The following SLC10A7 variants were observed in gnomAD, a reference collection of about 807,000 sequenced individuals.
The protein encoded by SLC10A7 is solute carrier family 10 member 7.
Under a neutral mutation model 43.2 loss-of-function variants are expected in SLC10A7, and 29 were observed. The ratio of observed to expected loss-of-function variants is 0.67; its 90% CI spans 0.50 to 0.92. The LOEUF (loss-of-function observed/expected upper bound fraction) is 0.92, where lower values mean the gene tolerates loss of function less well. Among genes scored for constraint, SLC10A7 ranks in the 40% least tolerant of loss-of-function variants. The pLI is 0.00. For missense variants in SLC10A7, 295 were observed against 403.2 expected (o/e 0.73, Z 2.30); for synonymous variants, 152 against 144.8 (o/e 1.05, Z -0.35).
chr4:146,456,035 C>T (rs535175727), intron 4 of SLC10A7, among the ~76,000 whole-genome samples: 5 of 151,674 alleles, frequency 3.3e-5, no homozygotes, highest in African/African-American at 1.2e-4. Context: ...ATACTCCCAC[C>T]ACGGCCAATT....
At chr4:146,362,575 T>TAA (rs1736121378) in intron 5 of SLC10A7, among the ~76,000 whole-genome samples, 1 of 152,072 alleles carries the variant, frequency 6.6e-6, no homozygotes, top group Non-Finnish European at 1.5e-5. Flanking sequence ...TCTAATAATG[T>TAA]AAACCACTCA....
chr4:146,372,593 T>C (rs1439667011), intron 5 of SLC10A7, among the ~76,000 whole-genome samples: 9 of 152,174 alleles, frequency 5.9e-5, no homozygotes. Context: ...ACTTAGCTTA[T>C]CTAATAATAA....
Position 146,391,716 on chromosome 4 carries a change from T to C in SLC10A7, c.435+51067A>G, listed in dbSNP as rs1413717306. On this transcript the variant is annotated intron_variant, in intron 5 of 11. Coordinates refer to ENST00000335472, the MANE Select transcript of SLC10A7 (RefSeq NM_001029998.6). ...TAATTGTCATTAAAAGCTCTCATTATGTGAAGTAGGTGCAATTAGAGCATC... is the reference window on the plus strand; with the variant it reads ...TAATTGTCATTAAAAGCTCTCATTACGTGAAGTAGGTGCAATTAGAGCATC... Among the ~76,000 whole-genome samples the C allele has an allele frequency of 3.9e-5, 6 of 152,330 alleles. No individual in the cohort carries two copies. In the East Asian group the frequency reaches 5.8e-4, roughly 15 times the overall value.
intron 5 of SLC10A7, among the ~76,000 whole-genome samples, chr4:146,347,885 T>G (rs1307014232): frequency 6.6e-6 from 1 of 151,950 alleles, no homozygotes. Flanking sequence ...AGGAAGAAAA[T>G]GAAAGAAAAT....
chr4:146,344,878 C>A (rs1734511431), intron 5 of SLC10A7, among the ~76,000 whole-genome samples: 1 of 152,008 alleles, frequency 6.6e-6, no homozygotes, highest in South Asian at 2.1e-4. Context: ...TAATAATTTT[C>A]CAGCTTTAAT....
At chr4:146,458,468 G>C (rs1424774899) in intron 4 of SLC10A7, among the ~76,000 whole-genome samples, 1 of 151,718 alleles carries the variant, frequency 6.6e-6, no homozygotes, top group Non-Finnish European at 1.5e-5. Context: ...AAATAAAATG[G>C]AGACTAGGCT....
chr4:146,460,286 T>C (rs1265221208), intron 4 of SLC10A7, among the ~76,000 whole-genome samples: 2 of 152,092 alleles, frequency 1.3e-5, no homozygotes, highest in East Asian at 3.9e-4. Flanking sequence ...AAGTTTCTGT[T>C]AAAGTTACAC....
chr4:146,464,227 G>A (rs1211270982), intron 4 of SLC10A7, among the ~76,000 whole-genome samples: 1 of 152,070 alleles, frequency 6.6e-6, no homozygotes, highest in Non-Finnish European at 1.5e-5. Flanking sequence ...TAAGAAGAAT[G>A]TTGTAGAACA....
intron 3 of SLC10A7, among the ~76,000 whole-genome samples, chr4:146,505,883 A>G (rs1365577604): frequency 6.6e-6 from 1 of 152,216 alleles, no homozygotes; most frequent in African/African-American, 2.4e-5. Context: ...TATATTTAAG[A>G]TAAGTGTTAT....
chr4:146,412,920 C>T (rs906902945), intron 5 of SLC10A7, among the ~76,000 whole-genome samples: 4 of 152,056 alleles, frequency 2.6e-5, no homozygotes, highest in African/African-American at 4.8e-5. Flanking sequence ...TCATATCTGG[C>T]TGTTCACCAC....
chr4:146,286,563 G>A (rs1407322499), intron 9 of SLC10A7, among the ~76,000 whole-genome samples: 1 of 150,584 alleles, frequency 6.6e-6, no homozygotes, highest in East Asian at 2.0e-4. Flanking sequence ...ACTGTGTTTC[G>A]AGTGGTGAGA....
intron 5 of SLC10A7, among the ~76,000 whole-genome samples, chr4:146,391,847 T>C (rs1188225446): frequency 6.6e-6 from 1 of 152,166 alleles, no homozygotes; most frequent in East Asian, 1.9e-4. Flanking sequence ...AGAGAAAAAT[T>C]ATATTCATAC....
At chr4:146,512,218 C>A (rs541929835) in intron 2 of SLC10A7, among the ~76,000 whole-genome samples, 1 of 150,684 alleles carries the variant, frequency 6.6e-6, no homozygotes, top group Non-Finnish European at 1.5e-5. Flanking sequence ...AGGTGATCCA[C>A]CCGCCTTGGC....
chr4:146,404,549 G>T (rs2149821536), intron 5 of SLC10A7, among the ~76,000 whole-genome samples: 2 of 138,084 alleles, frequency 1.4e-5, no homozygotes, highest in African/African-American at 2.7e-5. Flanking sequence ...TTTTTCTATG[G>T]GTATATATGT....
intron 4 of SLC10A7, among the ~76,000 whole-genome samples, chr4:146,450,228 T>G (rs1270099923): frequency 2.0e-5 from 3 of 152,180 alleles, no homozygotes; most frequent in Admixed American, 2.0e-4. Flanking sequence ...GCATCTGTAC[T>G]GAATGTGTAC....
At chr4:146,314,754 C>G (rs1732211200) in intron 6 of SLC10A7, among the ~76,000 whole-genome samples, 1 of 152,090 alleles carries the variant, frequency 6.6e-6, no homozygotes, top group South Asian at 2.1e-4. Flanking sequence ...ACCTTTATGG[C>G]TGGAGAGAGG....
At chr4:146,488,053 T>C (rs1157502200) in intron 4 of SLC10A7, among the ~76,000 whole-genome samples, 2 of 152,066 alleles carry the variant, frequency 1.3e-5, no homozygotes, top group Non-Finnish European at 1.5e-5. Context: ...TAGTCAAGCA[T>C]GGTAGCACAT....
intron 5 of SLC10A7, among the ~76,000 whole-genome samples, chr4:146,397,610 T>C (rs1477419064): frequency 6.6e-6 from 1 of 152,222 alleles, no homozygotes; most frequent in African/African-American, 2.4e-5. Context: ...TTCTAATTAA[T>C]GTCACTCGTG....
At chr4:146,423,446 T>G (rs1729099038) in intron 5 of SLC10A7, among the ~76,000 whole-genome samples, 1 of 152,228 alleles carries the variant, frequency 6.6e-6, no homozygotes, top group African/African-American at 2.4e-5. Context: ...GAATAACTTT[T>G]GGATAAATCA....
Sources: allele counts gnomAD v4.1 joint callset (sites outside exome capture counted in the v4.1 genomes callset), GRCh38; gene constraint gnomAD v4.1.1; transcripts MANE v1.5; gene names NCBI Gene and HGNC (gene_info 2026-07-23, HGNC 2026-07-21).